CFHR5: variants seen among roughly 807,000 people sequenced by gnomAD.
CFHR5 encodes complement factor H related 5, also known as complement factor H-related protein 5.
A neutral mutation model predicts 62.9 loss-of-function variants in CFHR5; 73 were observed. The ratio of observed to expected loss-of-function variants is 1.16; its 90% CI spans 0.96 to 1.41. The LOEUF (loss-of-function observed/expected upper bound fraction) is 1.41. Among genes scored for constraint, CFHR5 ranks in the 40% most tolerant of loss-of-function variants. CFHR5 has a pLI of 0.00. For missense variants in CFHR5, 779 were observed against 679.9 expected (o/e 1.15, Z -1.62); for synonymous variants, 249 against 227.2 (o/e 1.10, Z -0.86).
intron 8 of CFHR5, 61 bp downstream of exon 8, chr1:197,002,725 A>G: frequency 2.9e-6 from 4 of 1,367,698 alleles, no homozygotes; most frequent in Non-Finnish European, 3.1e-6. Flanking sequence ...CCTTTGCTTT[A>G]TCTAAAGAAA....
At chr1:196,979,781 T>C (rs983455514) in intron 1 of CFHR5, among the ~76,000 whole-genome samples, 5 of 152,086 alleles carry the variant, frequency 3.3e-5, no homozygotes, top group African/African-American at 9.7e-5. Context: ...TTTGGTTACA[T>C]GGATAAGTTC....
At chr1:196,995,572 C>A in intron 4 of CFHR5, 145 bp from the exon 5 acceptor site, 1 of 692,282 alleles carries the variant, frequency 1.4e-6, no homozygotes, top group Non-Finnish European at 2.6e-6. Flanking sequence ...AGTCAATACA[C>A]TATGTACACT....
intron 3 of CFHR5, among the ~76,000 whole-genome samples, chr1:196,984,853 C>A (rs1653639179): frequency 6.6e-6 from 1 of 152,184 alleles, no homozygotes; most frequent in African/African-American, 2.4e-5. Flanking sequence ...CCATAGTCAC[C>A]AAGACTGACC....
In CFHR5 at chr1:197,002,655, C is replaced by T. The variant is rs769456068; in HGVS notation, c.1321C>T (p.Arg441Cys). The T allele has an allele frequency of 6.0e-5, 96 of 1,611,920 alleles. No individual in the cohort carries two copies. Among genetic ancestry groups the T allele is most frequent in the East Asian group, 8.9e-5 (4 of 44,798 alleles). The change falls in exon 8 of 10, where the codon CGC becomes TGC. Residue 441 changes from arginine (R) to cysteine (C), a missense_variant. By Grantham distance (180) the Arg-to-Cys change is radical (BLOSUM62 -3). Transcript: ENST00000256785. ...AGATGGACGATGGCAATCATTACCACGCTGTGTTGGTTAGTAGTTTATTTC... is the reference window on the plus strand; with the variant it reads ...AGATGGACGATGGCAATCATTACCATGCTGTGTTGGTTAGTAGTTTATTTC... ...CKDGRWQSLPRCVESTAYCGP... is the reference protein window; with the variant it reads ...CKDGRWQSLPCCVESTAYCGP...
rs1654238212 is a variant in CFHR5 at position 197,004,676 on chromosome 1, G to T, written c.1346G>T (p.Cys449Phe). ...LPRCVESTAYCGPPPSINNGD... is the reference protein window; with the variant it reads ...LPRCVESTAYFGPPPSINNGD... ...TGTTTTCCAGAGTCTACTGCATATTGTGGGCCCCCTCCATCTATTAACAAT... is the reference window on the plus strand; with the variant it reads ...TGTTTTCCAGAGTCTACTGCATATTTTGGGCCCCCTCCATCTATTAACAAT... Residue 449 changes from cysteine (C) to phenylalanine (F), a missense_variant, in exon 9 of 10, where the codon TGT (cysteine) becomes TTT (phenylalanine). Transcript: ENST00000256785. The T allele has an allele frequency of 1.9e-6, 3 of 1,613,046 alleles. No individual in the cohort carries two copies. The highest frequency in any genetic ancestry group is 1.7e-4 in the Middle Eastern group (1 of 6,058).
intron 9 of CFHR5, among the ~76,000 whole-genome samples, chr1:197,007,692 A>G (rs1010894653): frequency 8.8e-5 from 13 of 147,848 alleles, no homozygotes; most frequent in Non-Finnish European, 1.3e-4. Flanking sequence ...ATAAGTATGT[A>G]TGTATAATAT....
intron 1 of CFHR5, among the ~76,000 whole-genome samples, chr1:196,978,330 T>C (rs1161836456): frequency 3.3e-5 from 5 of 152,110 alleles, no homozygotes; most frequent in African/African-American, 9.7e-5. Flanking sequence ...ATTAATACTA[T>C]AAACTGATTC....
At chr1:196,988,786 G>A (rs945480487) in intron 3 of CFHR5, among the ~76,000 whole-genome samples, 3 of 152,210 alleles carry the variant, frequency 2.0e-5, no homozygotes, top group Non-Finnish European at 4.4e-5. Flanking sequence ...TTTTATTGAG[G>A]ATTTTCACAT....
chr1:196,992,722 A>G (rs1486299625), intron 3 of CFHR5, among the ~76,000 whole-genome samples: 1 of 152,214 alleles, frequency 6.6e-6, no homozygotes, highest in African/African-American at 2.4e-5. Flanking sequence ...AAAAAAGACT[A>G]TAAACAACCA....
intron 3 of CFHR5, among the ~76,000 whole-genome samples, chr1:196,992,026 A>C (rs1313082983): frequency 6.6e-6 from 1 of 152,210 alleles, no homozygotes; most frequent in Non-Finnish European, 1.5e-5. Context: ...GGCCTTGCTG[A>C]GCTGCAGTGG....
chr1:196,975,104 A>G (rs1157563482), upstream of CFHR5, among the ~76,000 whole-genome samples: 5 of 152,202 alleles, frequency 3.3e-5, no homozygotes, highest in Non-Finnish European at 5.9e-5. Flanking sequence ...TCCATAGACC[A>G]TGTGAAGCAG....
chr1:197,004,429 C>T (rs202174364), intron 8 of CFHR5, among the ~76,000 whole-genome samples: 2 of 152,052 alleles, frequency 1.3e-5, no homozygotes, highest in East Asian at 3.9e-4. Context: ...CAGAAGTTTA[C>T]TCACCTGTCT....
intron 2 of CFHR5, 123 bp from the exon 3 acceptor site, chr1:196,983,838 A>C: frequency 3.1e-6 from 2 of 653,268 alleles, no homozygotes; most frequent in South Asian, 4.0e-5. Flanking sequence ...CATGACCCAA[A>C]TTCTTTTGAA....
intron 9 of CFHR5, among the ~76,000 whole-genome samples, chr1:197,005,341 G>T (rs1225359415): frequency 6.6e-6 from 1 of 152,126 alleles, no homozygotes; most frequent in African/African-American, 2.4e-5. Context: ...AAATCTGGAA[G>T]AGTTACTGAG....
intron 4 of CFHR5, among the ~76,000 whole-genome samples, chr1:196,994,664 G>A (rs7550650): frequency 6.6e-6 from 1 of 152,156 alleles, no homozygotes; most frequent in Admixed American, 6.6e-5. Flanking sequence ...ACCTGCTTCA[G>A]ATGGCACTAT....
At chr1:196,997,611 C>T (rs889851820) in intron 6 of CFHR5, among the ~76,000 whole-genome samples, 1 of 152,072 alleles carries the variant, frequency 6.6e-6, no homozygotes, top group African/African-American at 2.4e-5. Flanking sequence ...TGAGTTCTTC[C>T]CCTGAGAATA....
Position 196,995,826 on chromosome 1 carries a change from T to C in CFHR5, c.717T>C (p.Pro239=), listed in dbSNP as rs111360300. The change falls in exon 5 of 10, where the codon CCT becomes CCC. Residue 239 remains proline, a synonymous_variant. Transcript: ENST00000256785. ...AAGTAGTGGAATATGATTGCAATCC[T>C]AATTTTATAATAAACGGGCCTAAGA... The part of the protein sequence containing the change: ...HNEVVEYDCN[P]NFIINGPKKI... 35 of 1,613,208 alleles carry C rather than the reference T, an allele frequency of 2.2e-5. 2 individuals carry two copies. The African/African-American group carries it at 2.7e-4, about 12-fold the overall frequency.
At chr1:196,979,264 G>C (rs1432300952) in intron 1 of CFHR5, among the ~76,000 whole-genome samples, 1 of 141,634 alleles carries the variant, frequency 7.1e-6, no homozygotes, top group African/African-American at 2.8e-5. Flanking sequence ...GTCTGTGTGT[G>C]TGTGTGTGTG....
At chr1:196,981,573 T>G (rs1653542085) in intron 1 of CFHR5, among the ~76,000 whole-genome samples, 1 of 152,010 alleles carries the variant, frequency 6.6e-6, no homozygotes, top group South Asian at 2.1e-4. Context: ...CTACATTGTT[T>G]TACCATATCT....
Sources: allele counts gnomAD v4.1 joint callset (sites outside exome capture counted in the v4.1 genomes callset), GRCh38; gene constraint gnomAD v4.1.1; transcripts MANE v1.5; gene names NCBI Gene and HGNC (gene_info 2026-07-23, HGNC 2026-07-21).